The following EDN3 variants were observed in gnomAD, a reference collection of about 807,000 sequenced individuals.
The protein encoded by EDN3 is endothelin-3.
EDN3 carries 9 observed loss-of-function variants against 21.4 expected under a neutral mutation model. The observed-to-expected ratio is 0.42, with a 90% CI of 0.25 to 0.73. EDN3 has a LOEUF of 0.73. Ranked by LOEUF, EDN3 falls within the 30% of genes least tolerant of loss-of-function variation. The probability of loss-of-function intolerance (pLI) is 0.26; values close to 1 mark genes in which losing one functional copy is unlikely to be tolerated. For missense variants in EDN3, 327 were observed against 309.4 expected, an observed-to-expected ratio of 1.06 and a Z score of -0.43; for synonymous variants, 133 against 126.2, an observed-to-expected ratio of 1.05 and a Z score of -0.36.
Position 59,324,582 on chromosome 20 carries a change from G to T in EDN3, c.*123G>T. The T allele has an allele frequency of 7.3e-7, 1 of 1,360,594 alleles. No individual in the cohort carries two copies. Among genetic ancestry groups the T allele is most frequent in the Non-Finnish European group, 1.0e-6 (1 of 980,306 alleles). The allele number at this position is 1,360,594 out of a possible 1,614,324, so 84.3% of individuals were successfully genotyped here. ...CTGGGGCAGAACACCCACCCAAAGA[G>T]TCCCCACTTAACAATACCCCCCCCC... is the stretch of plus-strand genomic sequence containing the variant. On this transcript the variant is annotated 3_prime_UTR_variant, in exon 5 of 5. Coordinates refer to ENST00000337938, the MANE Select transcript of EDN3 (RefSeq NM_207034.3).
intron 2 of EDN3, among the ~76,000 whole-genome samples, chr20:59,319,061 A>G (rs1443547097): frequency 6.6e-6 from 1 of 152,190 alleles, no homozygotes; most frequent in Admixed American, 6.5e-5. Context: ...TTCCTGAGAA[A>G]AAACGGGCTT....
chr20:59,301,784 C>A, intron 2 of EDN3, 62 bp downstream of exon 2: 1 of 1,564,016 alleles, frequency 6.4e-7, no homozygotes, highest in Non-Finnish European at 8.8e-7. Context: ...CTGCTCATTC[C>A]CAGGAGGACC....
intron 2 of EDN3, among the ~76,000 whole-genome samples, chr20:59,310,983 G>A (rs1989766925): frequency 6.6e-6 from 1 of 152,086 alleles, no homozygotes; most frequent in Admixed American, 6.5e-5. Context: ...CAAACTTTCA[G>A]GAGGCACCAG....
At chr20:59,319,293 C>T (rs561352744) in intron 2 of EDN3, among the ~76,000 whole-genome samples, 2 of 151,636 alleles carry the variant, frequency 1.3e-5, no homozygotes, top group South Asian at 2.1e-4. Flanking sequence ...GAGGCGGGGG[C>T]GGGGGACTCC....
At chr20:59,311,935 A>G (rs145462981) in intron 2 of EDN3, among the ~76,000 whole-genome samples, 50 of 152,276 alleles carry the variant, frequency 3.3e-4, no homozygotes, top group African/African-American at 1.0e-3. Context: ...CTTGCTCATG[A>G]AGATCTTTTC....
At position 59,324,443 on chromosome 20, in the gene EDN3, AG is replaced by A. The variant is rs767213063; in HGVS notation, c.703del (p.Glu235LysfsTer35). Reference protein sequence around the residue: ...APSTCPRCLFQEGAP With the variant: ...APSTCPRCLFXEGAP ...TCTACCTGCCCCCGCTGCCTCTTTC[AG>A]GAAGGAGCCCCTTAGGAGGACAGGC... On this transcript the variant is annotated frameshift_variant, in exon 5 of 5. Transcript: ENST00000337938. LOFTEE classifies it high-confidence loss of function. 1.2e-6 allele frequency: 2 copies of A among 1,614,026 alleles called. No individual in the cohort carries two copies. The highest frequency in any genetic ancestry group is 1.7e-6 in the Non-Finnish European group (2 of 1,179,988).
chr20:59,312,315 A>G (rs1349457808), intron 2 of EDN3, among the ~76,000 whole-genome samples: 2 of 152,164 alleles, frequency 1.3e-5, no homozygotes, highest in Non-Finnish European at 2.9e-5. Context: ...AATCTGTAGG[A>G]TTCCATAGAC....
chr20:59,301,831 C>A, intron 2 of EDN3, 109 bp downstream of exon 2: 1 of 1,282,026 alleles, frequency 7.8e-7, no homozygotes, highest in African/African-American at 1.5e-5. Flanking sequence ...AGCCCAGAGC[C>A]TGCCCTGGCA....
rs746504168 is a variant in EDN3, at chr20:59,324,700, G to A, written c.*241G>A. ...CCCAGAGCATGACGCCTGCAGCTCC[G>A]GTTTCATGCAGGAAATTGGTTTTGG... On this transcript the variant is annotated 3_prime_UTR_variant, in exon 5 of 5. Coordinates refer to ENST00000337938, the MANE Select transcript of EDN3 (RefSeq NM_207034.3). 9 of 571,390 alleles carry A rather than the reference G, an allele frequency of 1.6e-5. No homozygotes were observed. Among genetic ancestry groups the A allele is most frequent in the African/African-American group, 3.7e-5 (2 of 53,372 alleles). 35.4% of individuals were successfully genotyped at this position (571,390 alleles called of 1,614,324 possible). A position where few individuals can be genotyped will look rare whatever the true frequency, so the allele number is the denominator to read the frequency against.
chr20:59,303,445 G>A (rs1989184721), intron 2 of EDN3, among the ~76,000 whole-genome samples: 1 of 152,166 alleles, frequency 6.6e-6, no homozygotes, highest in Non-Finnish European at 1.5e-5. Flanking sequence ...TAGAATGGAG[G>A]GCACTGGGCA....
At chr20:59,312,848 C>A (rs1989920427) in intron 2 of EDN3, among the ~76,000 whole-genome samples, 1 of 152,186 alleles carries the variant, frequency 6.6e-6, no homozygotes. Context: ...TTTTGTTTCT[C>A]AGGGCCAGAA....
At position 59,301,543 on chromosome 20, in the gene EDN3, C is replaced by A; in HGVS notation, c.186C>A (p.Gly62=). The A allele has an allele frequency of 1.2e-6, 2 of 1,613,328 alleles. No homozygotes were observed. Among genetic ancestry groups the A allele is most frequent in the Non-Finnish European group, 1.7e-6 (2 of 1,179,836 alleles). The change falls in exon 2 of 5, where the codon GGC becomes GGA. Residue 62 remains glycine, a synonymous_variant. Coordinates refer to ENST00000337938, the MANE Select transcript of EDN3 (RefSeq NM_207034.3). ...GPGEETVAGP[G]EGTVAPTALQ... The stretch of plus-strand genomic sequence containing the variant: ...GCGAGGAGACTGTGGCTGGCCCTGG[C>A]GAGGGGACTGTGGCCCCGACAGCAC...
At chr20:59,312,021 A>G (rs3026596) in intron 2 of EDN3, among the ~76,000 whole-genome samples, 7 of 149,984 alleles carry the variant, frequency 4.7e-5, no homozygotes, top group Non-Finnish European at 1.0e-4. Context: ...CAAAGCATGT[A>G]TCATGGTGTC....
At chr20:59,309,523 G>A (rs1231595683) in intron 2 of EDN3, among the ~76,000 whole-genome samples, 2 of 152,174 alleles carry the variant, frequency 1.3e-5, no homozygotes, top group Non-Finnish European at 2.9e-5. Context: ...GTGCTTTTGA[G>A]ACGGGCATGT....
At chr20:59,302,209 C>T (rs894691321) in intron 2 of EDN3, among the ~76,000 whole-genome samples, 8 of 152,182 alleles carry the variant, frequency 5.3e-5, no homozygotes, top group Non-Finnish European at 8.8e-5. Flanking sequence ...AGAACCTGCA[C>T]AGTCCACTCG....
chr20:59,307,989 A>G (rs11570288), intron 2 of EDN3, among the ~76,000 whole-genome samples: 5,084 of 152,178 alleles, frequency 0.033, 126 homozygotes, highest in African/African-American at 0.063. Flanking sequence ...TTTTATTAAC[A>G]TATGTTAACA....
intron 2 of EDN3, among the ~76,000 whole-genome samples, chr20:59,312,383 A>T (rs1044020901): frequency 1.3e-5 from 2 of 152,092 alleles, no homozygotes; most frequent in South Asian, 4.1e-4. Context: ...TTTAGCCATA[A>T]GTCTTGAAAA....
At chr20:59,316,304 G>A (rs1183758394) in intron 2 of EDN3, among the ~76,000 whole-genome samples, 1 of 152,226 alleles carries the variant, frequency 6.6e-6, no homozygotes, top group Non-Finnish European at 1.5e-5. Flanking sequence ...CCCCTTGTCT[G>A]TCTTTACATA....
intron 2 of EDN3, among the ~76,000 whole-genome samples, chr20:59,310,212 G>C (rs897259823): frequency 6.6e-6 from 1 of 152,174 alleles, no homozygotes; most frequent in African/African-American, 2.4e-5. Context: ...GCACCACCCC[G>C]CGTTCCAGTG....
Sources: gnomAD v4.1 joint callset for allele counts (sites outside exome capture counted in the v4.1 genomes callset) on GRCh38, gnomAD v4.1.1 for gene constraint, MANE v1.5 for transcripts, NCBI Gene and HGNC (gene_info 2026-07-23, HGNC 2026-07-21) for gene names.